Variants in DUSP16 observed in about 807,000 individuals in gnomAD.
The protein encoded by DUSP16 is dual specificity protein phosphatase 16.
DUSP16 carries 21 observed loss-of-function variants against 58.3 expected under a neutral mutation model. The observed-to-expected ratio is 0.36, with a 90% confidence interval of 0.26 to 0.52. The LOEUF (loss-of-function observed/expected upper bound fraction) is 0.52. Ranked by LOEUF, DUSP16 falls within the 20% of genes least tolerant of loss-of-function variation. The pLI, the probability that DUSP16 is intolerant of heterozygous loss-of-function variation, is 0.94. For missense variants in DUSP16, 726 were observed against 819.0 expected, an observed-to-expected ratio of 0.89 and a Z score of 1.39; for synonymous variants, 320 against 323.8, an observed-to-expected ratio of 0.99 and a Z score of 0.12.
intron 1 of DUSP16, among the ~76,000 whole-genome samples, chr12:12,552,723 TTG>T (rs1323055272): frequency 1.3e-5 from 2 of 152,330 alleles, no homozygotes; most frequent in African/African-American, 2.4e-5. Flanking sequence ...CCAGATTTTT[TTG>T]TGTGTGTTGG....
intron 1 of DUSP16, among the ~76,000 whole-genome samples, chr12:12,525,141 C>G (rs1944285722): frequency 6.6e-6 from 1 of 152,096 alleles, no homozygotes; most frequent in South Asian, 2.1e-4. Context: ...TGTCTTGCAT[C>G]TTGCTTTTTC....
intron 1 of DUSP16, among the ~76,000 whole-genome samples, chr12:12,523,874 A>T (rs936378024): frequency 1.1e-4 from 17 of 152,208 alleles, no homozygotes; most frequent in African/African-American, 3.9e-4. Context: ...GGAAAGAATG[A>T]TGCCAATTGT....
intron 6 of DUSP16, 137 bp downstream of exon 6, chr12:12,480,085 TA>T: frequency 1.7e-6 from 2 of 1,201,764 alleles, no homozygotes; most frequent in Non-Finnish European, 2.3e-6. Context: ...ACAAGACCAT[TA>T]AAAAATCCAC....
intron 3 of DUSP16, 141 bp downstream of exon 3, chr12:12,519,721 T>A: frequency 1.2e-6 from 1 of 813,082 alleles, no homozygotes; most frequent in South Asian, 1.9e-5. Context: ...AATAGAACGG[T>A]GACATCAATC....
chr12:12,526,369 A>G (rs1944308475), intron 1 of DUSP16, among the ~76,000 whole-genome samples: 1 of 152,214 alleles, frequency 6.6e-6, no homozygotes, highest in South Asian at 2.1e-4. Context: ...ATTTATGACT[A>G]TAACAGAAAT....
intron 3 of DUSP16, among the ~76,000 whole-genome samples, chr12:12,519,260 T>G (rs1944195565): frequency 6.6e-6 from 1 of 152,246 alleles, no homozygotes; most frequent in Non-Finnish European, 1.5e-5. Context: ...ATCATCTGGT[T>G]GCTTAGCATT....
chr12:12,524,663 A>G (rs142003471), intron 1 of DUSP16, among the ~76,000 whole-genome samples: 1 of 152,332 alleles, frequency 6.6e-6, no homozygotes, highest in East Asian at 1.9e-4. Flanking sequence ...GGGAATAAAA[A>G]TTTTTACAAT....
At position 12,549,882 on chromosome 12, in the gene DUSP16, T is replaced by C. The variant is rs148526985; in HGVS notation, c.-366+12235A>G. On this transcript the variant is annotated intron_variant, in intron 1 of 6. Transcript: ENST00000298573. The stretch of plus-strand genomic sequence containing the variant: ...CTTTATCCAACACGCTCTGATGTTA[T>C]ATGACCTTCCACCCATAATAGTATC... Among the ~76,000 whole-genome samples, 674 of 152,326 alleles carry C rather than the reference T, an allele frequency of 4.4e-3. 4 individuals are homozygous for C. Among genetic ancestry groups the C allele is most frequent in the Non-Finnish European group, 8.3e-3 (564 of 68,032 alleles).
At chr12:12,494,620 T>C (rs899807568) in intron 4 of DUSP16, among the ~76,000 whole-genome samples, 5 of 152,104 alleles carry the variant, frequency 3.3e-5, no homozygotes, top group Non-Finnish European at 7.3e-5. Flanking sequence ...CAGATGGCGG[T>C]AGAGGCATTC....
chr12:12,545,226 T>C (rs2136257958), intron 1 of DUSP16, among the ~76,000 whole-genome samples: 1 of 152,232 alleles, frequency 6.6e-6, no homozygotes, highest in East Asian at 1.9e-4. Flanking sequence ...GAAATATAGG[T>C]TTTGTATAAT....
chr12:12,514,098 A>G (rs923349450), intron 3 of DUSP16, among the ~76,000 whole-genome samples: 1 of 152,200 alleles, frequency 6.6e-6, no homozygotes, highest in African/African-American at 2.4e-5. Flanking sequence ...CTATTGATAC[A>G]GAAATTTCAC....
chr12:12,561,705 T>C (rs1944906645), intron 1 of DUSP16, among the ~76,000 whole-genome samples: 2 of 152,070 alleles, frequency 1.3e-5, no homozygotes, highest in African/African-American at 4.8e-5. Flanking sequence ...GCAGGCGTGT[T>C]GTGTAACAGT....
At chr12:12,512,962 A>G (rs1486714214) in intron 3 of DUSP16, among the ~76,000 whole-genome samples, 1 of 152,238 alleles carries the variant, frequency 6.6e-6, no homozygotes, top group Admixed American at 6.5e-5. Flanking sequence ...ATCAGGTTCT[A>G]TCATACCTCC....
At chr12:12,542,936 G>A (rs1464789682) in intron 1 of DUSP16, among the ~76,000 whole-genome samples, 1 of 152,008 alleles carries the variant, frequency 6.6e-6, no homozygotes, top group Non-Finnish European at 1.5e-5. Flanking sequence ...ATATAAAAAG[G>A]ACCCCCAGAG....
At chr12:12,480,418 C>T (rs1943542600) in intron 5 of DUSP16, 72 bp from the exon 6 acceptor site, 2 of 1,561,210 alleles carry the variant, frequency 1.3e-6, no homozygotes, top group Non-Finnish European at 1.7e-6. Flanking sequence ...TTTCCATTTA[C>T]TTACTCAGTG....
rs1443354449 is a variant in DUSP16, at chr12:12,475,327, A to C, written c.*1506T>G. 6.6e-6 allele frequency: 1 copy of C among 151,514 alleles called. No homozygotes were observed. Among genetic ancestry groups the C allele is most frequent in the African/African-American group, 2.4e-5 (1 of 41,200 alleles). The allele number at this position is 151,514 out of a possible 1,614,324, so 9.4% of individuals were successfully genotyped here. ...CAAGCCAGGAGGATGTTTGAAAGCCAATCTGCACTATCACTTGTTCCAGTG... is the reference window on the plus strand; with the variant it reads ...CAAGCCAGGAGGATGTTTGAAAGCCCATCTGCACTATCACTTGTTCCAGTG... On this transcript the variant is annotated 3_prime_UTR_variant, in exon 7 of 7. Transcript: ENST00000298573.
At chr12:12,536,332 A>AT (rs1486577587) in intron 1 of DUSP16, among the ~76,000 whole-genome samples, 1 of 152,242 alleles carries the variant, frequency 6.6e-6, no homozygotes, top group African/African-American at 2.4e-5. Flanking sequence ...AAATATCTCA[A>AT]TGTCTTATTC....
intron 5 of DUSP16, among the ~76,000 whole-genome samples, chr12:12,480,705 A>T (rs1239050670): frequency 6.6e-6 from 1 of 152,186 alleles, no homozygotes; most frequent in Non-Finnish European, 1.5e-5. Flanking sequence ...TTACCTAAGA[A>T]ATATAATTAC....
intron 4 of DUSP16, among the ~76,000 whole-genome samples, chr12:12,490,110 G>A (rs1439367177): frequency 2.0e-5 from 3 of 152,134 alleles, no homozygotes; most frequent in Non-Finnish European, 4.4e-5. Flanking sequence ...TAGAGACAGG[G>A]TCTCGCTGTA....
Sources: gnomAD v4.1 joint callset for allele counts (sites outside exome capture counted in the v4.1 genomes callset) on GRCh38, gnomAD v4.1.1 for gene constraint, MANE v1.5 for transcripts, NCBI Gene and HGNC (gene_info 2026-07-23, HGNC 2026-07-21) for gene names.